CLASP2: variants seen among roughly 807,000 people sequenced by gnomAD.
CLASP2 encodes CLIP-associating protein 2.
A neutral mutation model predicts 194.4 loss-of-function variants in CLASP2; 47 were observed. The ratio of observed to expected loss-of-function variants is 0.24; its 90% CI spans 0.19 to 0.31. The LOEUF is 0.31. CLASP2 is among the 10% of genes least tolerant of loss of function. CLASP2 has a pLI of 1.00. For synonymous variants in CLASP2, 619 were observed against 633.5 expected, an observed-to-expected ratio of 0.98 and a Z score of 0.34; for missense variants, 1,445 against 1,823.6, an observed-to-expected ratio of 0.79 and a Z score of 3.78.
At chr3:33,686,781 A>G (rs951380537) in intron 5 of CLASP2, among the ~76,000 whole-genome samples, 1 of 152,216 alleles carries the variant, frequency 6.6e-6, no homozygotes, top group African/African-American at 2.4e-5. Context: ...TGTAGCAGGG[A>G]ATCGAAGCTC....
chr3:33,553,518 A>G (rs951983960), intron 29 of CLASP2, among the ~76,000 whole-genome samples: 2 of 152,190 alleles, frequency 1.3e-5, no homozygotes, highest in African/African-American at 4.8e-5. Flanking sequence ...GAAAACAAAT[A>G]AACTATTTAG....
At position 33,496,852 on chromosome 3, in the gene CLASP2, G is replaced by C. The variant is rs2045854202; in HGVS notation, c.*1779C>G. 1 of 152,328 alleles carries C rather than the reference G, an allele frequency of 6.6e-6. No individual in the cohort carries two copies. Among genetic ancestry groups the C allele is most frequent in the East Asian group, 1.9e-4 (1 of 5,202 alleles). The allele number at this position is 152,328 out of a possible 1,614,324, so 9.4% of individuals were successfully genotyped here. ...ATGTAGCTATATACCTTTGATTGTG[G>C]TAGCTACACCTGAAAAATCTTTTCT... On this transcript the variant is annotated 3_prime_UTR_variant, in exon 39 of 39. Coordinates refer to ENST00000682230, the MANE Select transcript of CLASP2 (RefSeq NM_001365631.1).
chr3:33,515,929 A>G lies in CLASP2; in HGVS notation c.4110+94T>C, dbSNP rs2051197385. On this transcript the variant is annotated intron_variant, in intron 36 of 38. Coordinates refer to ENST00000682230, the MANE Select transcript of CLASP2 (RefSeq NM_001365631.1). ...ACCCTGAATGTCAAGGCAAATGTTCAAGAAAATCATTAATAAGGCTACATT... is the reference window on the plus strand; with the variant it reads ...ACCCTGAATGTCAAGGCAAATGTTCGAGAAAATCATTAATAAGGCTACATT... 2.3e-6 allele frequency: 3 copies of G among 1,288,934 alleles called. No homozygotes were observed. In the African/African-American group the frequency reaches 4.5e-5, roughly 19 times the overall value. 79.8% of individuals were successfully genotyped at this position (1,288,934 alleles called of 1,614,324 possible). A position where few individuals can be genotyped will look rare whatever the true frequency, so the allele number is the denominator to read the frequency against.
At chr3:33,679,150 T>C (rs1396599378) in intron 6 of CLASP2, among the ~76,000 whole-genome samples, 1 of 152,102 alleles carries the variant, frequency 6.6e-6, no homozygotes, top group Non-Finnish European at 1.5e-5. Context: ...AGATAGTTTC[T>C]TCAAAAAACT....
At chr3:33,713,034 A>C (rs1471231893) in intron 1 of CLASP2, among the ~76,000 whole-genome samples, 1 of 142,690 alleles carries the variant, frequency 7.0e-6, no homozygotes, top group Non-Finnish European at 1.5e-5. Context: ...AAAAAAAAAA[A>C]AAAAAGAAAG....
intron 7 of CLASP2, among the ~76,000 whole-genome samples, chr3:33,657,457 A>G (rs1032623352): frequency 2.0e-5 from 3 of 152,116 alleles, no homozygotes; most frequent in Admixed American, 2.0e-4. Context: ...GTTATGTATT[A>G]TTTGAAAAAA....
Position 33,538,803 on chromosome 3 carries a change from CT to C in CLASP2, c.3543del (p.Asp1182MetfsTer85). 1.3e-6 allele frequency: 2 copies of C among 1,583,482 alleles called. No homozygotes were observed. Among genetic ancestry groups the C allele is most frequent in the South Asian group, 1.2e-5 (1 of 83,980 alleles). On this transcript the variant is annotated frameshift_variant, in exon 33 of 39. Coordinates refer to ENST00000682230, the MANE Select transcript of CLASP2 (RefSeq NM_001365631.1). LOFTEE classifies it high-confidence loss of function. ...MNEPLKRDSK[K>X]DDGDSMCGGP... is the part of the protein sequence containing the mutation. ...AAAATACTTACTGAATCGCCATCAT[CT>C]TTTTTAGAATCCCTTTTCAATGGCT...
chr3:33,619,234 A>G (rs189697834), intron 12 of CLASP2, among the ~76,000 whole-genome samples: 1 of 152,284 alleles, frequency 6.6e-6, no homozygotes, highest in African/African-American at 2.4e-5. Flanking sequence ...CCATTGACGG[A>G]AACTTTGTGA....
At chr3:33,695,522 T>TA (rs1333163205) in intron 2 of CLASP2, among the ~76,000 whole-genome samples, 1 of 150,696 alleles carries the variant, frequency 6.6e-6, no homozygotes, top group African/African-American at 2.4e-5. Flanking sequence ...AACTAGAAAA[T>TA]AAAAGAAAAA....
intron 7 of CLASP2, among the ~76,000 whole-genome samples, chr3:33,650,274 T>C (rs1053494956): frequency 2.0e-4 from 30 of 152,320 alleles, no homozygotes; most frequent in African/African-American, 6.7e-4. Flanking sequence ...CATTAGTGAA[T>C]TGAAAGACAA....
chr3:33,511,747 G>GT (rs2049907098), intron 36 of CLASP2, among the ~76,000 whole-genome samples: 1 of 66,026 alleles, frequency 1.5e-5, no homozygotes. Flanking sequence ...GTGGGCGAAG[G>GT]ACATGAACAG....
At position 33,619,621 on chromosome 3, in the gene CLASP2, T is replaced by A. The variant is rs1310338204; in HGVS notation, c.1299A>T (p.Ala433=). 1 of 1,550,366 alleles carries A rather than the reference T, an allele frequency of 6.5e-7. No individual in the cohort carries two copies. The highest frequency in any genetic ancestry group is 1.4e-5 in the African/African-American group (1 of 72,854). ...AACCTACCCGAATGATAAATCTGAT[T>A]GCTGCACATCCAGAAGTTGCCATGA... The part of the protein sequence containing the change: ...AKVMATSGCA[A]IRFIIRHTHV... Residue 433 remains alanine (A), a synonymous_variant, in exon 12 of 39, where the codon GCA becomes GCT. Transcript: ENST00000682230.
In CLASP2 at chr3:33,561,001, G is replaced by A. The variant is rs1560035915; in HGVS notation, c.2767-30C>T. The A allele has an allele frequency of 7.0e-6, 11 of 1,580,000 alleles. No homozygotes were observed. The Admixed American group carries it at 7.2e-5, about 10-fold the overall frequency. ...AGTTGATAAAGGGGAGAGGTAGGGA[G>A]AAAAAAAGAGGAAATATTGACCTCT... On this transcript the variant is annotated intron_variant, in intron 27 of 38. Coordinates refer to ENST00000682230, the MANE Select transcript of CLASP2 (RefSeq NM_001365631.1).
chr3:33,663,346 CA>C, intron 7 of CLASP2, 98 bp downstream of exon 7: 1 of 763,144 alleles, frequency 1.3e-6, no homozygotes, highest in South Asian at 2.7e-5. Flanking sequence ...TTTCAAGCCA[CA>C]AAATCAACTC....
In CLASP2 at chr3:33,706,057, G is replaced by A. The variant is rs945068164; in HGVS notation, c.196-9124C>T. ...CACCTGAGCCCAGGAGTTTGATACCGGCCTGCACAACATGGCAAGACCCCA... is the reference window on the plus strand; with the variant it reads ...CACCTGAGCCCAGGAGTTTGATACCAGCCTGCACAACATGGCAAGACCCCA... On this transcript the variant is annotated intron_variant, in intron 1 of 38. Transcript: ENST00000682230. Among the ~76,000 whole-genome samples the A allele has an allele frequency of 9.9e-5, 15 of 152,048 alleles. No individual in the cohort carries two copies. In the East Asian group the frequency reaches 1.6e-3, roughly 16 times the overall value.
chr3:33,717,721 G>C, intron 1 of CLASP2, 87 bp downstream of exon 1: 1 of 1,409,000 alleles, frequency 7.1e-7, no homozygotes, highest in Non-Finnish European at 9.7e-7. Context: ...GGTTCGGACG[G>C]GAGCTTTCCC....
chr3:33,560,429 G>C (rs1244179718), intron 28 of CLASP2, among the ~76,000 whole-genome samples: 1 of 152,014 alleles, frequency 6.6e-6, no homozygotes, highest in Admixed American at 6.6e-5. Context: ...TTTTAGTAGA[G>C]ATATGGTTTC....
In CLASP2 at chr3:33,571,015, A is replaced by ATT. The variant is rs1027731514; in HGVS notation, c.2700-227_2700-226dup. On this transcript the variant is annotated intron_variant, in intron 25 of 38. Transcript: ENST00000682230. The stretch of plus-strand genomic sequence containing the variant: ...AGATGGCAAGATCCTGTCTCTATAA[A>ATT]TTTTTTTTTTTTTTTTTTGAGACGG... Among the ~76,000 whole-genome samples the ATT allele has an allele frequency of 3.1e-3, 378 of 123,920 alleles. 16 individuals carry two copies. Among genetic ancestry groups the ATT allele is most frequent in the East Asian group, 0.019 (76 of 3,910 alleles). 81.3% of individuals were successfully genotyped at this position (123,920 alleles called of 152,430 possible). A position where few individuals can be genotyped will look rare whatever the true frequency, so the allele number is the denominator to read the frequency against.
At chr3:33,546,380 G>A (rs868725568) in intron 30 of CLASP2, among the ~76,000 whole-genome samples, 8 of 151,878 alleles carry the variant, frequency 5.3e-5, no homozygotes, top group Admixed American at 2.0e-4. Context: ...ATACTATACC[G>A]TTAGTATATT....
Sources: gnomAD v4.1 joint callset for allele counts (sites outside exome capture counted in the v4.1 genomes callset) on GRCh38, gnomAD v4.1.1 for gene constraint, MANE v1.5 for transcripts, NCBI Gene and HGNC (gene_info 2026-07-23, HGNC 2026-07-21) for gene names.